ARL2BP: variants seen among roughly 807,000 people sequenced by gnomAD.
The protein encoded by ARL2BP is ARF like GTPase 2 binding protein.
In ARL2BP, 19 loss-of-function variants were observed where a neutral mutation model predicts 24.2. The observed-to-expected ratio is 0.79, with a 90% CI of 0.55 to 1.15. The LOEUF (loss-of-function observed/expected upper bound fraction) is 1.15. ARL2BP is among the 50% of genes most tolerant of loss of function. ARL2BP has a pLI of 0.00. For missense variants in ARL2BP, 160 were observed against 190.4 expected, an observed-to-expected ratio of 0.84 and a Z score of 0.94; for synonymous variants, 56 against 70.5, an observed-to-expected ratio of 0.79 and a Z score of 1.03.
intron 2 of ARL2BP, 26 bp from the exon 3 acceptor site, chr16:57,248,511 A>G (rs2075397622): frequency 7.0e-7 from 1 of 1,422,138 alleles, no homozygotes; most frequent in African/African-American, 1.4e-5. Flanking sequence ...CATTAAAAAG[A>G]ATAAATTTTC....
rs533172636 is a variant in ARL2BP at position 57,252,567 on chromosome 16, G to C, written c.*300G>C. 7.0e-5 allele frequency: 29 copies of C among 416,898 alleles called. No homozygotes were observed. The East Asian group carries it at 1.5e-3, about 21-fold the overall frequency. The allele number at this position is 416,898 out of a possible 1,614,324, so 25.8% of individuals were successfully genotyped here. On this transcript the variant is annotated 3_prime_UTR_variant, in exon 6 of 6. Coordinates refer to ENST00000219204, the MANE Select transcript of ARL2BP (RefSeq NM_012106.4). Reference sequence around the variant, plus strand: ...CTATGTCAGGCACTCCACCTGGGGGGCCCTTCCCCAGCATACCTGCTGGTG... The same window carrying C: ...CTATGTCAGGCACTCCACCTGGGGGCCCCTTCCCCAGCATACCTGCTGGTG...
intron 1 of ARL2BP, chr16:57,245,691 A>AG: frequency 3.6e-6 from 2 of 548,044 alleles, no homozygotes; most frequent in South Asian, 4.6e-5. Context: ...CAAAGCCTGG[A>AG]GGGGTTGAGC....
chr16:57,253,542 C>T lies in ARL2BP; in HGVS notation c.*1275C>T, dbSNP rs1296424131. 6.6e-6 allele frequency: 1 copy of T among 152,048 alleles called. No individual in the cohort carries two copies. The highest frequency in any genetic ancestry group is 1.5e-5 in the Non-Finnish European group (1 of 68,006). The allele number at this position is 152,048 out of a possible 1,614,324, so 9.4% of individuals were successfully genotyped here. ...CATTCTGGTTTTAAAGGACAAGCTA[C>T]AAGCTCTGTGTTTCTGTACTGATGT... On this transcript the variant is annotated 3_prime_UTR_variant, in exon 6 of 6. Transcript: ENST00000219204.
rs1434341115 is a variant in ARL2BP, at chr16:57,245,510, C to T, written c.38+105C>T. 1.4e-5 allele frequency: 21 copies of T among 1,475,608 alleles called. 1 individual carries two copies. The highest frequency in any genetic ancestry group is 2.4e-5 in the South Asian group (2 of 82,140). 91.4% of individuals were successfully genotyped at this position (1,475,608 alleles called of 1,614,324 possible). A position where few individuals can be genotyped will look rare whatever the true frequency, so the allele number is the denominator to read the frequency against. Reference sequence around the variant, plus strand: ...AGGTGTCCTTAGGGGCCGGGCCGGGCCGGGCCGGGCAGGGTGGGGGCCGCC... The same window carrying T: ...AGGTGTCCTTAGGGGCCGGGCCGGGTCGGGCCGGGCAGGGTGGGGGCCGCC... On this transcript the variant is annotated intron_variant, in intron 1 of 5. Transcript: ENST00000219204.
intron 1 of ARL2BP, 94 bp downstream of exon 1, chr16:57,245,499 G>A: frequency 9.6e-6 from 14 of 1,451,376 alleles, no homozygotes; most frequent in Non-Finnish European, 1.2e-5. Context: ...GTCCTTAGGG[G>A]CCGGGCCGGG....
At chr16:57,246,167 A>G in intron 2 of ARL2BP, 26 bp downstream of exon 2, 1 of 1,599,270 alleles carries the variant, frequency 6.3e-7, no homozygotes, top group Non-Finnish European at 8.6e-7. Context: ...ACTGTTTTTA[A>G]GGACTTGCTT....
chr16:57,245,842 C>G (rs575697893), intron 1 of ARL2BP: 1 of 573,722 alleles, frequency 1.7e-6, no homozygotes, highest in East Asian at 3.0e-5. Flanking sequence ...GCCTGGAGAA[C>G]AAGTTTTTAT....
chr16:57,246,446 T>C (rs1048076557), intron 2 of ARL2BP: 13 of 274,380 alleles, frequency 4.7e-5, no homozygotes, highest in Admixed American at 1.0e-4. Flanking sequence ...CTATTTCTTA[T>C]GTAGGGTAAG....
chr16:57,250,512 G>A lies in ARL2BP; in HGVS notation c.390+5G>A. The A allele has an allele frequency of 3.7e-6, 6 of 1,608,242 alleles. No individual in the cohort carries two copies. Among genetic ancestry groups the A allele is most frequent in the African/African-American group, 1.3e-5 (1 of 74,932 alleles). On this transcript the variant is annotated splice_donor_5th_base_variant and intron_variant, in intron 5 of 5. Coordinates refer to ENST00000219204, the MANE Select transcript of ARL2BP (RefSeq NM_012106.4). ...ATGTTTTTGGACTACAGAGCAGTAAGTTACTACTCCTATTTATTTAGCCAC... is the reference window on the plus strand; with the variant it reads ...ATGTTTTTGGACTACAGAGCAGTAAATTACTACTCCTATTTATTTAGCCAC...
chr16:57,249,674 AGGAAATG>A, intron 3 of ARL2BP, 86 bp from the exon 4 acceptor site: 6 of 994,968 alleles, frequency 6.0e-6, no homozygotes, highest in Admixed American at 3.6e-5. Flanking sequence ...CACAGACCTC[AGGAAATG>A]TTTAGAAAGG....
At position 57,252,155 on chromosome 16, in the gene ARL2BP, T is replaced by G; in HGVS notation, c.391-11T>G. 1 of 1,612,962 alleles carries G rather than the reference T, an allele frequency of 6.2e-7. No individual in the cohort carries two copies. Among genetic ancestry groups the G allele is most frequent in the Non-Finnish European group, 8.5e-7 (1 of 1,179,546 alleles). On this transcript the variant is annotated splice_polypyrimidine_tract_variant and intron_variant, in intron 5 of 5. Transcript: ENST00000219204. The stretch of plus-strand genomic sequence containing the variant: ...CTTTCTAGTCCTTCCTTTGGTTGTT[T>G]TCTCATATAGGAAAAAGAAGGCCGA...
In ARL2BP at chr16:57,250,482, A is replaced by T; in HGVS notation, c.365A>T (p.Lys122Ile). The change falls in exon 5 of 6, where the codon AAA (lysine) becomes ATA (isoleucine). Residue 122 changes from lysine to isoleucine, a missense_variant. By Grantham distance (102) the Lys-to-Ile change is moderately radical. Coordinates refer to ENST00000219204, the MANE Select transcript of ARL2BP (RefSeq NM_012106.4). Reference protein sequence around the residue: ...LLTFTDFLAFKEMFLDYRAEK... With the variant: ...LLTFTDFLAFIEMFLDYRAEK... ...ACCTTCACAGATTTTCTGGCTTTTA[A>T]AGAAATGTTTTTGGACTACAGAGCA... is the stretch of plus-strand genomic sequence containing the variant. 1 of 1,614,180 alleles carries T rather than the reference A, an allele frequency of 6.2e-7. No homozygotes were observed.
In ARL2BP at chr16:57,250,493, T is replaced by C. The variant is rs374438905; in HGVS notation, c.376T>C (p.Leu126=). The C allele has an allele frequency of 1.7e-5, 27 of 1,613,960 alleles. No individual in the cohort carries two copies. Among genetic ancestry groups the C allele is most frequent in the East Asian group, 2.2e-5 (1 of 44,896 alleles). ...TDFLAFKEMF[L]DYRAEKEGRG... ...TTTTCTGGCTTTTAAAGAAATGTTTTTGGACTACAGAGCAGTAAGTTACTA... is the reference window on the plus strand; with the variant it reads ...TTTTCTGGCTTTTAAAGAAATGTTTCTGGACTACAGAGCAGTAAGTTACTA... Residue 126 remains leucine (L), a synonymous_variant, in exon 5 of 6, where the codon TTG becomes CTG. Transcript: ENST00000219204.
chr16:57,248,639 A>C lies in ARL2BP; in HGVS notation c.203A>C (p.Glu68Ala). ...NKLIYTPIFN[E>A]YISLVEKYIE... ...CTCATCTACACACCTATTTTTAATG[A>C]ATACGTAAGTAGATTTCTATGTCTC... The change falls in exon 3 of 6, where the codon GAA (glutamate) becomes GCA (alanine). Residue 68 changes from glutamate to alanine, a missense_variant. Physicochemically the swap from Glu to Ala is moderately radical, Grantham distance 107. Transcript: ENST00000219204. The C allele has an allele frequency of 6.4e-7, 1 of 1,555,952 alleles. No individual in the cohort carries two copies. The highest frequency in any genetic ancestry group is 8.8e-7 in the Non-Finnish European group (1 of 1,140,428).
Position 57,253,216 on chromosome 16 carries a change from A to G in ARL2BP, c.*949A>G, listed in dbSNP as rs2075413995. The stretch of plus-strand genomic sequence containing the variant: ...CATGTTTGCTGAAAATCCTTTGTGT[A>G]TAAACCAGTTTGTAAGGTTCTCTGG... On this transcript the variant is annotated 3_prime_UTR_variant, in exon 6 of 6. Coordinates refer to ENST00000219204, the MANE Select transcript of ARL2BP (RefSeq NM_012106.4). The G allele has an allele frequency of 6.6e-6, 1 of 152,614 alleles. No homozygotes were observed. Among genetic ancestry groups the G allele is most frequent in the Admixed American group, 6.5e-5 (1 of 15,280 alleles). The allele number at this position is 152,614 out of a possible 1,614,324, so 9.5% of individuals were successfully genotyped here. A position where few individuals can be genotyped will look rare whatever the true frequency, so the allele number is the denominator to read the frequency against.
chr16:57,251,340 G>C (rs551515834), intron 5 of ARL2BP: 2 of 152,042 alleles, frequency 1.3e-5, no homozygotes, highest in African/African-American at 4.8e-5. Flanking sequence ...GGTTGAGATT[G>C]CTGTGAGCTG....
intron 1 of ARL2BP, 159 bp from the exon 2 acceptor site, chr16:57,245,921 T>A: frequency 2.9e-6 from 2 of 690,020 alleles, no homozygotes; most frequent in South Asian, 1.8e-5. Flanking sequence ...CTGTTTGGAC[T>A]TACTAGATCA....
At chr16:57,245,815 T>A (rs554178090) in intron 1 of ARL2BP, 1 of 549,388 alleles carries the variant, frequency 1.8e-6, no homozygotes, top group African/African-American at 1.9e-5. Flanking sequence ...CAGACAGGTA[T>A]GGGGTGATAG....
chr16:57,250,564 A>G, intron 5 of ARL2BP, 57 bp downstream of exon 5: 2 of 1,422,792 alleles, frequency 1.4e-6, no homozygotes, highest in Non-Finnish European at 2.0e-6. Flanking sequence ...AATTCCAGGT[A>G]GAAATACCGA....
Sources: gnomAD v4.1 joint callset for allele counts on GRCh38, gnomAD v4.1.1 for gene constraint, MANE v1.5 for transcripts, NCBI Gene and HGNC (gene_info 2026-07-23, HGNC 2026-07-21) for gene names.